Variants in PLCG2 observed in about 807,000 individuals in gnomAD.
PLCG2 encodes the protein phospholipase C gamma 2.
A neutral mutation model predicts 175.6 loss-of-function variants in PLCG2; 69 were observed. That is an observed-to-expected ratio of 0.39 (90% CI 0.32 to 0.48). The LOEUF (loss-of-function observed/expected upper bound fraction) is 0.48, where lower values mean the gene tolerates loss of function less well. Ranked by LOEUF, PLCG2 falls within the 20% of genes least tolerant of loss-of-function variation. The pLI is 0.91. For missense variants in PLCG2, 1,798 were observed against 1,650.9 expected (o/e 1.09, Z -1.54); for synonymous variants, 827 against 624.0 (o/e 1.33, Z -4.85).
At chr16:81,796,427 G>A (rs567484981) in intron 2 of PLCG2, among the ~76,000 whole-genome samples, 44 of 152,300 alleles carry the variant, frequency 2.9e-4, no homozygotes, top group African/African-American at 9.9e-4. Flanking sequence ...CCTTTGGCAC[G>A]GCCAGCCTTT....
intron 12 of PLCG2, among the ~76,000 whole-genome samples, chr16:81,894,188 G>C (rs1465100967): frequency 6.6e-6 from 1 of 151,308 alleles, no homozygotes; most frequent in African/African-American, 2.4e-5. Flanking sequence ...CAGCACTTCA[G>C]GAGGCTGAAG....
At chr16:81,796,799 G>A (rs1911487649) in intron 2 of PLCG2, among the ~76,000 whole-genome samples, 1 of 152,214 alleles carries the variant, frequency 6.6e-6, no homozygotes, top group Non-Finnish European at 1.5e-5. Context: ...GGAGGAACCA[G>A]CCTCGCCAAC....
chr16:81,792,078 G>A (rs930003003), intron 2 of PLCG2, among the ~76,000 whole-genome samples: 1 of 152,208 alleles, frequency 6.6e-6, no homozygotes, highest in Non-Finnish European at 1.5e-5. Flanking sequence ...GGAACTGATG[G>A]TGGCCACCAG....
At chr16:81,879,480 A>T (rs1907974243) in intron 7 of PLCG2, among the ~76,000 whole-genome samples, 1 of 152,164 alleles carries the variant, frequency 6.6e-6, no homozygotes, top group Non-Finnish European at 1.5e-5. Flanking sequence ...TCTCCAGAAG[A>T]AACACACACC....
At position 81,893,761 on chromosome 16, in the gene PLCG2, C is replaced by T; in HGVS notation, c.1039C>T (p.Arg347Cys). Reference protein sequence around the residue: ...RSESSPEAYIRCLRMGCRCIE... With the variant: ...RSESSPEAYICCLRMGCRCIE... ...CGAGTCGTCCCCAGAAGCTTACATC[C>T]GCTGCCTGCGCATGGGCTGTCGCTG... The change falls in exon 12 of 33, where the codon CGC (arginine) becomes TGC (cysteine). Residue 347 changes from arginine (R) to cysteine (C), a missense_variant. Transcript: ENST00000564138. The T allele has an allele frequency of 6.2e-7, 1 of 1,612,646 alleles. No homozygotes were observed. Among genetic ancestry groups the T allele is most frequent in the Non-Finnish European group, 8.5e-7 (1 of 1,179,392 alleles).
At chr16:81,918,832 G>C (rs1047299276) in intron 19 of PLCG2, among the ~76,000 whole-genome samples, 1 of 152,028 alleles carries the variant, frequency 6.6e-6, no homozygotes, top group Non-Finnish European at 1.5e-5. Context: ...AAACCAAGGA[G>C]GCTCTTCTGT....
chr16:81,814,305 A>C (rs535347942), intron 2 of PLCG2, among the ~76,000 whole-genome samples: 21 of 152,306 alleles, frequency 1.4e-4, no homozygotes, highest in Non-Finnish European at 2.1e-4. Context: ...GCAGTGCTTC[A>C]GGAGCTGAGA....
Position 81,794,969 on chromosome 16 carries a change from A to G in PLCG2, c.193+8787A>G, listed in dbSNP as rs528036287. ...TGCTATAGCCCTTCTCTTATGCTGA[A>G]TAGCTGAGGAATTGCTTGTCTTGTT... On this transcript the variant is annotated intron_variant, in intron 2 of 32. Coordinates refer to ENST00000564138, the MANE Select transcript of PLCG2 (RefSeq NM_002661.5). Among the ~76,000 whole-genome samples, 27 of 152,344 alleles carry G rather than the reference A, an allele frequency of 1.8e-4. No homozygotes were observed. The East Asian group carries it at 3.3e-3, about 18-fold the overall frequency.
chr16:81,934,461 G>A lies in PLCG2; in HGVS notation c.2772G>A (p.Gln924=), dbSNP rs1402315536. The A allele has an allele frequency of 1.2e-6, 2 of 1,613,430 alleles. No individual in the cohort carries two copies. Residue 924 remains glutamine, a synonymous_variant, in exon 26 of 33, where the codon CAG becomes CAA. Coordinates refer to ENST00000564138, the MANE Select transcript of PLCG2 (RefSeq NM_002661.5). ...ENNMKYWEKN[Q]SIAIELSDLV... is the part of the protein sequence containing the mutation. ...ACATGAAGTACTGGGAGAAGAACCA[G>A]TCCATCGCCATCGAGCTCTCTGACC...
chr16:81,770,080 C>T (rs1043287238), intron 2 of PLCG2, among the ~76,000 whole-genome samples: 1 of 152,118 alleles, frequency 6.6e-6, no homozygotes, highest in East Asian at 1.9e-4. Flanking sequence ...ATTCCAAATG[C>T]TTTCTCTCCA....
intron 25 of PLCG2, among the ~76,000 whole-genome samples, chr16:81,934,173 C>T (rs2143720685): frequency 6.6e-6 from 1 of 152,272 alleles, no homozygotes; most frequent in East Asian, 1.9e-4. Flanking sequence ...ATCCTGACCT[C>T]ACCTATATTT....
chr16:81,839,342 T>A (rs1199668137), intron 2 of PLCG2, among the ~76,000 whole-genome samples: 1 of 151,798 alleles, frequency 6.6e-6, no homozygotes, highest in Non-Finnish European at 1.5e-5. Context: ...AACTGGTCAA[T>A]CCATGTGTGA....
At chr16:81,810,036 G>T (rs1240010314) in intron 2 of PLCG2, among the ~76,000 whole-genome samples, 1 of 151,546 alleles carries the variant, frequency 6.6e-6, no homozygotes, top group Non-Finnish European at 1.5e-5. Flanking sequence ...TGTGTCACCA[G>T]GCTGGAGTTC....
chr16:81,775,618 C>T (rs1408732903), upstream of PLCG2, among the ~76,000 whole-genome samples: 1 of 152,096 alleles, frequency 6.6e-6, no homozygotes, highest in African/African-American at 2.4e-5. Context: ...GCTAATGGTC[C>T]AATGCACCAT....
At chr16:81,778,027 A>AAAC (rs1910494138), upstream of PLCG2, among the ~76,000 whole-genome samples, 8 of 83,358 alleles carry the variant, frequency 9.6e-5, 1 homozygote, top group African/African-American at 3.9e-4. Flanking sequence ...AAAAAAAAAA[A>AAAC]AAAACAAAAA....
rs1567545409 is a variant in PLCG2, at chr16:81,946,204, T to C, written c.3511T>C (p.Tyr1171His). ...CAGGTCCGTTCCTCTGAAGAATGGG[T>C]ACAGCGAGGACATAGAGCTGGCTTC... is the stretch of plus-strand genomic sequence containing the variant. ...GFRSVPLKNG[Y>H]SEDIELASLL... Residue 1171 changes from tyrosine (Y) to histidine (H), a missense_variant, in exon 31 of 33, where the codon TAC (tyrosine) becomes CAC (histidine). Tyr to His is a moderately conservative substitution (Grantham distance 83). Transcript: ENST00000564138. The C allele has an allele frequency of 2.5e-6, 4 of 1,613,796 alleles. No individual in the cohort carries two copies. The highest frequency in any genetic ancestry group is 3.4e-6 in the Non-Finnish European group (4 of 1,179,818).
At chr16:81,858,991 A>G in intron 4 of PLCG2, 125 bp from the exon 5 acceptor site, 2 of 587,502 alleles carry the variant, frequency 3.4e-6, no homozygotes, top group South Asian at 4.4e-5. Flanking sequence ...CCCTTGTTAG[A>G]AAGTTGGAAG....
chr16:81,789,474 A>C (rs1911129106), intron 2 of PLCG2, among the ~76,000 whole-genome samples: 1 of 152,168 alleles, frequency 6.6e-6, no homozygotes, highest in Admixed American at 6.5e-5. Flanking sequence ...ACTTTTGTGT[A>C]GATAGGGTCT....
chr16:81,845,095 A>G (rs189042329), intron 2 of PLCG2, among the ~76,000 whole-genome samples: 141 of 152,220 alleles, frequency 9.3e-4, no homozygotes, highest in African/African-American at 3.3e-3. Flanking sequence ...CACTTGGCTA[A>G]CTGCGTTTAT....
Sources: gnomAD v4.1 joint callset for allele counts (sites outside exome capture counted in the v4.1 genomes callset) on GRCh38, gnomAD v4.1.1 for gene constraint, MANE v1.5 for transcripts, NCBI Gene and HGNC (gene_info 2026-07-23, HGNC 2026-07-21) for gene names.